CNTN6: variants seen among roughly 807,000 people sequenced by gnomAD.
CNTN6 encodes the protein contactin 6, also known as contactin-6.
A neutral mutation model predicts 122.8 loss-of-function variants in CNTN6; 137 were observed. That is an observed-to-expected ratio of 1.12 (90% CI 0.97 to 1.29). The LOEUF (loss-of-function observed/expected upper bound fraction) is 1.29, where lower values mean the gene tolerates loss of function less well. Ranked by LOEUF, CNTN6 falls within the 50% of genes most tolerant of loss-of-function variation. The probability of loss-of-function intolerance (pLI) is 0.00; values close to 1 mark genes in which losing one functional copy is unlikely to be tolerated. For synonymous variants in CNTN6, 570 were observed against 426.0 expected (o/e 1.34, Z -4.16); for missense variants, 1,634 against 1,223.4 (o/e 1.34, Z -5.01).
chr3:1,230,852 G>A (rs1306647883), intron 4 of CNTN6, among the ~76,000 whole-genome samples: 1 of 152,150 alleles, frequency 6.6e-6, no homozygotes, highest in Non-Finnish European at 1.5e-5. Context: ...TTCACTTGCT[G>A]GCACAGTAAT....
chr3:1,189,957 G>T (rs186609926), intron 2 of CNTN6, among the ~76,000 whole-genome samples: 199 of 152,308 alleles, frequency 1.3e-3, no homozygotes, highest in African/African-American at 4.4e-3. Flanking sequence ...GACTCTGGTT[G>T]TATTAGTCAG....
At chr3:1,340,393 G>C (rs999580388) in intron 11 of CNTN6, among the ~76,000 whole-genome samples, 1 of 152,086 alleles carries the variant, frequency 6.6e-6, no homozygotes, top group African/African-American at 2.4e-5. Context: ...CTGATAGATG[G>C]AGTCTTATTT....
chr3:1,240,724 A>T (rs1223759293), intron 4 of CNTN6, among the ~76,000 whole-genome samples: 1 of 152,050 alleles, frequency 6.6e-6, no homozygotes, highest in East Asian at 1.9e-4. Flanking sequence ...AAAAAAGAAA[A>T]AAAAGAAAAA....
At chr3:1,332,314 C>G (rs182094579) in intron 11 of CNTN6, among the ~76,000 whole-genome samples, 88 of 152,012 alleles carry the variant, frequency 5.8e-4, no homozygotes, top group African/African-American at 2.0e-3. Flanking sequence ...TCTTCTGTTG[C>G]CATCTGATCG....
chr3:1,308,309 G>GTGTA (rs1242684117), intron 7 of CNTN6, among the ~76,000 whole-genome samples: 1 of 151,638 alleles, frequency 6.6e-6, no homozygotes, highest in Non-Finnish European at 1.5e-5. Flanking sequence ...GTGTGTGTGT[G>GTGTA]TGTGTGTGTG....
At position 1,372,823 on chromosome 3, in the gene CNTN6, C is replaced by T; in HGVS notation, c.1669-15C>T. 6.8e-7 allele frequency: 1 copy of T among 1,477,900 alleles called. No individual in the cohort carries two copies. Among genetic ancestry groups the T allele is most frequent in the Non-Finnish European group, 9.4e-7 (1 of 1,066,516 alleles). The allele number at this position is 1,477,900 out of a possible 1,614,324, so 91.5% of individuals were successfully genotyped here. The stretch of plus-strand genomic sequence containing the variant: ...GGGCTTACGTTTTTATCCATTTCTC[C>T]CTTTCTGTCTGCAGGAATCTGTTGG... On this transcript the variant is annotated splice_polypyrimidine_tract_variant and intron_variant, in intron 13 of 22. Coordinates refer to ENST00000446702, the MANE Select transcript of CNTN6 (RefSeq NM_001289080.2).
At chr3:1,208,935 G>C (rs992136957) in intron 2 of CNTN6, among the ~76,000 whole-genome samples, 3 of 152,218 alleles carry the variant, frequency 2.0e-5, no homozygotes, top group African/African-American at 7.2e-5. Flanking sequence ...CAGAGTTAGA[G>C]CTAATAAAAG....
At chr3:1,401,825 T>C (rs1431063446) in intron 21 of CNTN6, among the ~76,000 whole-genome samples, 2 of 152,056 alleles carry the variant, frequency 1.3e-5, no homozygotes, top group Non-Finnish European at 2.9e-5. Flanking sequence ...ATGGCTTATG[T>C]GCATAGTAGA....
rs539619451 is a variant in CNTN6 at position 1,346,621 on chromosome 3, C to T, written c.1365-5703C>T. ...TGAGAACCTCACCAGCTGCAGCTGC[C>T]CAACCGTGAGCCTTCCAGCCACCAG... On this transcript the variant is annotated intron_variant, in intron 11 of 22. Coordinates refer to ENST00000446702, the MANE Select transcript of CNTN6 (RefSeq NM_001289080.2). 6.6e-5 allele frequency among the ~76,000 whole-genome samples: 10 copies of T among 152,160 alleles called. No individual in the cohort carries two copies. The East Asian group carries it at 1.5e-3, about 24-fold the overall frequency.
At chr3:1,226,576 C>A (rs1230922279) in intron 3 of CNTN6, among the ~76,000 whole-genome samples, 1 of 152,100 alleles carries the variant, frequency 6.6e-6, no homozygotes, top group Admixed American at 6.6e-5. Flanking sequence ...AGAATTGGAA[C>A]AAAAGGCCTT....
chr3:1,188,369 T>C (rs546231917), intron 2 of CNTN6, among the ~76,000 whole-genome samples: 14 of 152,338 alleles, frequency 9.2e-5, no homozygotes, highest in African/African-American at 3.1e-4. Flanking sequence ...ACATTGTACA[T>C]TCATGTATTA....
chr3:1,319,501 T>G (rs1700551620), intron 7 of CNTN6, among the ~76,000 whole-genome samples: 1 of 151,622 alleles, frequency 6.6e-6, no homozygotes. Context: ...TGTCAAAATG[T>G]TCAGTTACTT....
chr3:1,239,834 C>G (rs924637751), intron 4 of CNTN6, among the ~76,000 whole-genome samples: 1 of 152,090 alleles, frequency 6.6e-6, no homozygotes, highest in African/African-American at 2.4e-5. Flanking sequence ...GCACATAGAC[C>G]AATGGAACAG....
chr3:1,231,074 C>T lies in CNTN6; in HGVS notation c.358+3081C>T, dbSNP rs1304036235. ...ACAACAGCTGCAACACCTTAATTAGCTTCTTCACTTGCTGTTTCCTTCTTC... is the reference window on the plus strand; with the variant it reads ...ACAACAGCTGCAACACCTTAATTAGTTTCTTCACTTGCTGTTTCCTTCTTC... On this transcript the variant is annotated intron_variant, in intron 4 of 22. Transcript: ENST00000446702. Among the ~76,000 whole-genome samples the T allele has an allele frequency of 2.0e-5, 3 of 152,174 alleles. No homozygotes were observed. The East Asian group carries it at 5.8e-4, about 29-fold the overall frequency.
At chr3:1,220,625 T>C (rs2094193927) in intron 2 of CNTN6, 62 bp from the exon 3 acceptor site, 4 of 1,409,014 alleles carry the variant, frequency 2.8e-6, no homozygotes, top group Non-Finnish European at 3.8e-6. Flanking sequence ...ATATTTAATA[T>C]AGACTTGCAT....
chr3:1,373,889 C>A (rs374084025), intron 15 of CNTN6, 35 bp from the exon 16 acceptor site: 2 of 1,580,686 alleles, frequency 1.3e-6, no homozygotes, highest in Non-Finnish European at 1.7e-6. Context: ...TTGAGTAGTC[C>A]CAACCTAGGT....
At chr3:1,273,500 T>C (rs1329600617) in intron 4 of CNTN6, among the ~76,000 whole-genome samples, 2 of 152,196 alleles carry the variant, frequency 1.3e-5, no homozygotes, top group Admixed American at 6.5e-5. Context: ...CTGAATTAAA[T>C]CTTGTTTCCA....
rs952239762 is a variant in CNTN6, at chr3:1,373,517, C to T, written c.1787-87C>T. ...TATGGTCAATATTTTACTTCCTAAGCACAACAGGTAAAAATAAACCATCCT... is the reference window on the plus strand; with the variant it reads ...TATGGTCAATATTTTACTTCCTAAGTACAACAGGTAAAAATAAACCATCCT... On this transcript the variant is annotated intron_variant, in intron 14 of 22. Coordinates refer to ENST00000446702, the MANE Select transcript of CNTN6 (RefSeq NM_001289080.2). The T allele has an allele frequency of 2.2e-5, 28 of 1,283,866 alleles. No individual in the cohort carries two copies. In the African/African-American group the frequency reaches 3.8e-4, roughly 17 times the overall value. 79.5% of individuals were successfully genotyped at this position (1,283,866 alleles called of 1,614,324 possible).
chr3:1,136,641 G>A (rs867246017), intron 1 of CNTN6, among the ~76,000 whole-genome samples: 6 of 152,054 alleles, frequency 3.9e-5, no homozygotes, highest in Admixed American at 2.0e-4. Flanking sequence ...AACAACTCAG[G>A]GTGGGAGTCC....
Sources: allele counts gnomAD v4.1 joint callset (sites outside exome capture counted in the v4.1 genomes callset), GRCh38; gene constraint gnomAD v4.1.1; transcripts MANE v1.5; gene names NCBI Gene and HGNC (gene_info 2026-07-23, HGNC 2026-07-21).